NRXN3: variants seen among roughly 807,000 people sequenced by gnomAD.
NRXN3 encodes neurexin III.
NRXN3 carries 32 observed loss-of-function variants against 137.6 expected under a neutral mutation model. The ratio of observed to expected loss-of-function variants is 0.23; its 90% CI spans 0.18 to 0.31. The LOEUF is 0.31. NRXN3 is among the 10% of genes least tolerant of loss of function. NRXN3 has a pLI of 1.00. For synonymous variants in NRXN3, 798 were observed against 784.5 expected (o/e 1.02, Z -0.29); for missense variants, 1,574 against 2,062.5 (o/e 0.76, Z 4.59).
Position 78,957,259 on chromosome 14 carries a change from T to A in NRXN3, c.2293T>A (p.Leu765Met). Residue 765 changes from leucine to methionine, a missense_variant, in exon 11 of 21, where the codon TTG becomes ATG. Leu to Met is a conservative substitution (Grantham distance 15). This residue lies in a region of NRXN3 where 718 missense variants were observed against 887.6 expected (regional missense o/e 0.81). Transcript: ENST00000335750. Reference protein sequence around the residue: ...NCNSSKGPETLYAGQKLNDNE... With the variant: ...NCNSSKGPETMYAGQKLNDNE... ...ATCCTTAGGCAAAGGACCAGAGACC[T>A]TGTATGCAGGGCAGAAGCTCAATGA... The A allele has an allele frequency of 2.5e-6, 4 of 1,614,062 alleles. No individual in the cohort carries two copies. Among genetic ancestry groups the A allele is most frequent in the Non-Finnish European group, 3.4e-6 (4 of 1,179,976 alleles).
intron 8 of NRXN3, among the ~76,000 whole-genome samples, chr14:78,737,471 G>A (rs1215096026): frequency 6.6e-6 from 1 of 152,134 alleles, no homozygotes; most frequent in East Asian, 1.9e-4. Context: ...TGTGATCTTT[G>A]CAGAGCAAAG....
intron 15 of NRXN3, chr14:79,280,724 T>G: frequency 1.6e-6 from 1 of 619,742 alleles, no homozygotes; most frequent in South Asian, 2.0e-5. Flanking sequence ...TTTCTGCCCC[T>G]AGCCTCCGAC....
chr14:79,544,703 A>G (rs2097303216), intron 16 of NRXN3, among the ~76,000 whole-genome samples: 1 of 152,200 alleles, frequency 6.6e-6, no homozygotes, highest in African/African-American at 2.4e-5. Flanking sequence ...AAGAGCCTAG[A>G]TCACTCTCCC....
chr14:78,677,495 G>C (rs567744869), intron 6 of NRXN3, among the ~76,000 whole-genome samples: 1 of 152,176 alleles, frequency 6.6e-6, no homozygotes, highest in African/African-American at 2.4e-5. Flanking sequence ...GATAAAACTT[G>C]TATGGATGAG....
intron 15 of NRXN3, among the ~76,000 whole-genome samples, chr14:79,459,578 G>T (rs2096300783): frequency 6.6e-6 from 1 of 151,944 alleles, no homozygotes; most frequent in African/African-American, 2.4e-5. Context: ...GCAAGACAAT[G>T]AATTTCTGTT....
intron 4 of NRXN3, among the ~76,000 whole-genome samples, chr14:78,372,791 G>T (rs546910136): frequency 2.0e-5 from 3 of 152,280 alleles, no homozygotes; most frequent in East Asian, 3.9e-4. Flanking sequence ...ACATAGTAGG[G>T]TTCAAATATT....
intron 4 of NRXN3, among the ~76,000 whole-genome samples, chr14:78,483,193 C>T (rs1277348470): frequency 6.6e-6 from 1 of 152,128 alleles, no homozygotes; most frequent in African/African-American, 2.4e-5. Flanking sequence ...AACAACAAAA[C>T]CCCAAAAAAC....
chr14:78,196,798 C>T (rs55668486), intron 1 of NRXN3, among the ~76,000 whole-genome samples: 6,017 of 152,236 alleles, frequency 0.04, 175 homozygotes, highest in Non-Finnish European at 0.055. Flanking sequence ...CTTAGTTACA[C>T]GGGAGAAGGC....
intron 16 of NRXN3, among the ~76,000 whole-genome samples, chr14:79,536,303 CA>C (rs1309380196): frequency 1.3e-5 from 2 of 152,028 alleles, no homozygotes; most frequent in Non-Finnish European, 2.9e-5. Context: ...TTGCACCTTG[CA>C]AAAACTTGTT....
chr14:79,641,854 G>A (rs1008683217), intron 16 of NRXN3, among the ~76,000 whole-genome samples: 1 of 134,868 alleles, frequency 7.4e-6, no homozygotes, highest in African/African-American at 2.5e-5. Context: ...ACATTCTACT[G>A]GAGAAAAAAG....
intron 16 of NRXN3, among the ~76,000 whole-genome samples, chr14:79,587,544 T>G (rs918033656): frequency 6.6e-6 from 1 of 152,190 alleles, no homozygotes; most frequent in Non-Finnish European, 1.5e-5. Flanking sequence ...TTTTTACTCT[T>G]TCAAATATGC....
intron 16 of NRXN3, among the ~76,000 whole-genome samples, chr14:79,585,086 A>C (rs960599500): frequency 6.6e-6 from 1 of 152,186 alleles, no homozygotes; most frequent in African/African-American, 2.4e-5. Context: ...GGGCCGTTCA[A>C]GTTTTAATAA....
At chr14:78,508,471 C>G (rs897951929) in intron 4 of NRXN3, among the ~76,000 whole-genome samples, 4 of 152,074 alleles carry the variant, frequency 2.6e-5, no homozygotes, top group Admixed American at 2.6e-4. Flanking sequence ...TCCCATCTCA[C>G]TTTTTGAAGT....
chr14:78,228,248 C>G (rs1262930409), intron 1 of NRXN3, among the ~76,000 whole-genome samples: 1 of 151,476 alleles, frequency 6.6e-6, no homozygotes, highest in Non-Finnish European at 1.5e-5. Flanking sequence ...CCTCCGCCTC[C>G]CAGGTTCAAG....
At chr14:79,239,570 C>A (rs1396659969) in intron 15 of NRXN3, among the ~76,000 whole-genome samples, 1 of 152,042 alleles carries the variant, frequency 6.6e-6, no homozygotes, top group Non-Finnish European at 1.5e-5. Flanking sequence ...GAAAAAATAT[C>A]TTTAATTATG....
chr14:79,734,801 C>T (rs11845735), intron 19 of NRXN3, among the ~76,000 whole-genome samples: 5,201 of 152,142 alleles, frequency 0.034, 285 homozygotes, highest in African/African-American at 0.12. Flanking sequence ...CTTGCTTTCC[C>T]GAATACCTTA....
At chr14:79,634,527 G>A (rs1311310280) in intron 16 of NRXN3, among the ~76,000 whole-genome samples, 1 of 152,124 alleles carries the variant, frequency 6.6e-6, no homozygotes, top group Non-Finnish European at 1.5e-5. Flanking sequence ...CTGAAAGTAG[G>A]CAAGTTTCTC....
At chr14:79,225,616 GCAACACTTTTTACCCCCTGAAAGACAT>G (rs2070715042) in intron 15 of NRXN3, among the ~76,000 whole-genome samples, 1 of 152,008 alleles carries the variant, frequency 6.6e-6, no homozygotes, top group East Asian at 1.9e-4. Flanking sequence ...TAAAACTAGT[GCAACACTTTTTACCCCCTGAAAGACAT>G]CAACACTTTT....
At chr14:79,624,334 C>G (rs1206198539) in intron 16 of NRXN3, among the ~76,000 whole-genome samples, 1 of 151,992 alleles carries the variant, frequency 6.6e-6, no homozygotes, top group East Asian at 1.9e-4. Flanking sequence ...CAAAGAGTGA[C>G]AAGAGAAAAA....
Sources: gnomAD v4.1 joint callset for allele counts (sites outside exome capture counted in the v4.1 genomes callset) on GRCh38, gnomAD v4.1.1 for gene constraint, gnomAD v4.1.1 regional missense constraint, MANE v1.5 for transcripts, NCBI Gene and HGNC (gene_info 2026-07-23, HGNC 2026-07-21) for gene names.